MYLK: variants seen among roughly 807,000 people sequenced by gnomAD.
The protein encoded by MYLK is myosin light chain kinase.
MYLK carries 106 observed loss-of-function variants against 203.4 expected under a neutral mutation model. That is an observed-to-expected ratio of 0.52 (90% CI 0.45 to 0.61). MYLK has a LOEUF of 0.61. MYLK is among the 20% of genes least tolerant of loss of function. MYLK has a pLI of 0.00. For missense variants in MYLK, 2,072 were observed against 2,442.3 expected (o/e 0.85, Z 3.20); for synonymous variants, 867 against 959.5 (o/e 0.90, Z 1.78).
chr3:123,638,017 C>A (rs745962896), intron 29 of MYLK, 54 bp downstream of exon 29: 1 of 1,612,040 alleles, frequency 6.2e-7, no homozygotes, highest in African/African-American at 1.3e-5. Flanking sequence ...CCTCAGCCCC[C>A]ACCCACTGGT....
chr3:123,632,551 G>A (rs1478324756), intron 29 of MYLK, among the ~76,000 whole-genome samples: 1 of 152,120 alleles, frequency 6.6e-6, no homozygotes, highest in Non-Finnish European at 1.5e-5. Flanking sequence ...CTCCTTCCTG[G>A]CAGCCTATCC....
rs939729663 is a variant in MYLK at position 123,664,387 on chromosome 3, C to G, written c.3832-129G>C. 3.1e-6 allele frequency: 4 copies of G among 1,272,700 alleles called. No individual in the cohort carries two copies. The African/African-American group carries it at 5.9e-5, about 19-fold the overall frequency. 78.8% of individuals were successfully genotyped at this position (1,272,700 alleles called of 1,614,324 possible). Reference sequence around the variant, plus strand: ...AAGCTGTGGGGGGGCTCAGTCTGGTCTGGACTCTGCCCTTCTCCCTGAGGC... The same window carrying G: ...AAGCTGTGGGGGGGCTCAGTCTGGTGTGGACTCTGCCCTTCTCCCTGAGGC... On this transcript the variant is annotated intron_variant, in intron 22 of 33. Transcript: ENST00000360304.
intron 11 of MYLK, among the ~76,000 whole-genome samples, chr3:123,732,355 C>T (rs1368881384): frequency 6.6e-6 from 1 of 152,114 alleles, no homozygotes; most frequent in Non-Finnish European, 1.5e-5. Flanking sequence ...ATGTTAATAT[C>T]ACATGAGCAA....
At position 123,664,094 on chromosome 3, in the gene MYLK, A is replaced by G. The variant is rs746952851; in HGVS notation, c.3985+11T>C. The G allele has an allele frequency of 6.2e-6, 10 of 1,613,662 alleles. No homozygotes were observed. Among genetic ancestry groups the G allele is most frequent in the African/African-American group, 2.7e-5 (2 of 74,870 alleles). Reference sequence around the variant, plus strand: ...GCCCCAAGCTCCATGCCACCCAGCCACCAGACTCACCCACGACAGTGAGGT... The same window carrying G: ...GCCCCAAGCTCCATGCCACCCAGCCGCCAGACTCACCCACGACAGTGAGGT... On this transcript the variant is annotated intron_variant, in intron 23 of 33. Transcript: ENST00000360304.
chr3:123,791,286 C>T (rs550480478), intron 4 of MYLK, among the ~76,000 whole-genome samples: 144 of 152,282 alleles, frequency 9.5e-4, no homozygotes, highest in Non-Finnish European at 1.4e-3. Flanking sequence ...TGCTCAAAAC[C>T]CATGCCACCT....
At chr3:123,743,258 A>G (rs1308736438) in intron 5 of MYLK, among the ~76,000 whole-genome samples, 3 of 152,216 alleles carry the variant, frequency 2.0e-5, no homozygotes. Flanking sequence ...AAAACATGGC[A>G]CTTTCCCAAA....
At chr3:123,836,360 C>A (rs753173466) in intron 2 of MYLK, among the ~76,000 whole-genome samples, 8 of 152,188 alleles carry the variant, frequency 5.3e-5, no homozygotes, top group Non-Finnish European at 1.0e-4. Context: ...ATCACATCTT[C>A]TAGAGATATG....
At chr3:123,662,380 T>C (rs968762003) in intron 23 of MYLK, among the ~76,000 whole-genome samples, 1 of 152,186 alleles carries the variant, frequency 6.6e-6, no homozygotes, top group South Asian at 2.1e-4. Context: ...AAGGTGATGA[T>C]ACGAGATGAA....
In MYLK at chr3:123,708,774, C is replaced by A; in HGVS notation, c.2064G>T (p.Glu688Asp). 2 of 1,614,172 alleles carry A rather than the reference C, an allele frequency of 1.2e-6. No homozygotes were observed. The highest frequency in any genetic ancestry group is 4.5e-5 in the East Asian group (2 of 44,878). The part of the protein sequence containing the change: ...HSLCIQEVFP[E>D]DTGTYTCEAW... ...CCTCGCAGGTGTACGTGCCCGTGTC[C>A]TCCGGGAACACTTCCTGGATACAAA... The change falls in exon 15 of 34, where the codon GAG becomes GAT. Residue 688 changes from glutamate (E) to aspartate (D), a missense_variant. By Grantham distance (45) the Glu-to-Asp change is conservative. Transcript: ENST00000360304.
intron 19 of MYLK, among the ~76,000 whole-genome samples, chr3:123,685,105 A>G (rs1010967510): frequency 4.6e-5 from 7 of 152,208 alleles, no homozygotes; most frequent in Middle Eastern, 3.2e-3. Flanking sequence ...AAGCATCACC[A>G]CAGTAGAGGC....
intron 3 of MYLK, among the ~76,000 whole-genome samples, chr3:123,814,650 T>C (rs1337694982): frequency 6.6e-6 from 1 of 152,228 alleles, no homozygotes; most frequent in Non-Finnish European, 1.5e-5. Context: ...ACACTCTTCA[T>C]AAATCTTATT....
intron 29 of MYLK, among the ~76,000 whole-genome samples, chr3:123,633,003 C>T (rs947623476): frequency 1.3e-5 from 2 of 152,006 alleles, no homozygotes; most frequent in Non-Finnish European, 2.9e-5. Context: ...ACCATGTTGC[C>T]CAGGCTAGTC....
At chr3:123,797,933 C>T (rs2065048780) in intron 3 of MYLK, among the ~76,000 whole-genome samples, 1 of 152,140 alleles carries the variant, frequency 6.6e-6, no homozygotes, top group Non-Finnish European at 1.5e-5. Flanking sequence ...AGCAAGAAGC[C>T]CCAGATATCT....
At chr3:123,851,011 C>T (rs879323383) in intron 2 of MYLK, among the ~76,000 whole-genome samples, 15 of 152,170 alleles carry the variant, frequency 9.9e-5, no homozygotes, top group Non-Finnish European at 1.6e-4. Context: ...AATACTTTCC[C>T]CATTTCTGGT....
At chr3:123,696,958 G>A (rs1028391942) in intron 18 of MYLK, among the ~76,000 whole-genome samples, 4 of 152,320 alleles carry the variant, frequency 2.6e-5, no homozygotes, top group African/African-American at 7.2e-5. Context: ...CGGGGCCCCC[G>A]CCTGGAAGCC....
chr3:123,696,857 TG>T (rs1248128414), intron 18 of MYLK, among the ~76,000 whole-genome samples: 2 of 152,226 alleles, frequency 1.3e-5, no homozygotes, highest in Admixed American at 1.3e-4. Flanking sequence ...GCCTTTAGAC[TG>T]GAATTCCTTG....
intron 2 of MYLK, among the ~76,000 whole-genome samples, chr3:123,837,545 A>G (rs61558517): frequency 0.12 from 17,130 of 148,136 alleles, 1,033 homozygotes; most frequent in Middle Eastern, 0.22. Flanking sequence ...TTTTATATAT[A>G]TATGCTCTAT....
intron 2 of MYLK, among the ~76,000 whole-genome samples, chr3:123,860,463 C>G (rs1045655868): frequency 2.6e-5 from 4 of 152,174 alleles, no homozygotes; most frequent in Non-Finnish European, 5.9e-5. Context: ...CCCACCTTCT[C>G]TAGAGGATCA....
At chr3:123,844,754 C>T (rs1485650785) in intron 2 of MYLK, among the ~76,000 whole-genome samples, 2 of 151,490 alleles carry the variant, frequency 1.3e-5, no homozygotes, top group African/African-American at 4.9e-5. Flanking sequence ...GCACCAACCT[C>T]ACCTTGATAA....
Sources: gnomAD v4.1 joint callset for allele counts (sites outside exome capture counted in the v4.1 genomes callset) on GRCh38, gnomAD v4.1.1 for gene constraint, MANE v1.5 for transcripts, NCBI Gene and HGNC (gene_info 2026-07-23, HGNC 2026-07-21) for gene names.